ZNF831: variants seen among roughly 807,000 people sequenced by gnomAD.
ZNF831 encodes zinc finger protein 831, also known as chromosome 20 open reading frame 174.
Under a neutral mutation model 95.8 loss-of-function variants are expected in ZNF831, and 59 were observed. The observed-to-expected ratio is 0.62, with a 90% confidence interval of 0.50 to 0.77. ZNF831 has a LOEUF of 0.77. Among genes scored for constraint, ZNF831 ranks in the 30% least tolerant of loss-of-function variants. The pLI, the probability that ZNF831 is intolerant of heterozygous loss-of-function variation, is 0.00. For synonymous variants in ZNF831, 961 were observed against 925.5 expected, an observed-to-expected ratio of 1.04 and a Z score of -0.70; for missense variants, 2,205 against 2,164.0, an observed-to-expected ratio of 1.02 and a Z score of -0.38.
At chr20:59,198,038 T>A (rs757748997) in intron 3 of ZNF831, among the ~76,000 whole-genome samples, 5 of 152,144 alleles carry the variant, frequency 3.3e-5, no homozygotes, top group Non-Finnish European at 5.9e-5. Context: ...CAGCTCCCAC[T>A]TTCCCAAGAC....
In ZNF831 at chr20:59,168,452, GA is replaced by G. The variant is rs796779777; in HGVS notation, c.-37+4246del. On this transcript the variant is annotated intron_variant, in intron 1 of 5. Coordinates refer to ENST00000371030, the MANE Select transcript of ZNF831 (RefSeq NM_178457.3). Reference sequence around the variant, plus strand: ...TGCTGCACTCACTTATTAGTGCGAGGAGGTTTTTTTTTTTTTTTTTTTGTAG... The same window carrying G: ...TGCTGCACTCACTTATTAGTGCGAGGGGTTTTTTTTTTTTTTTTTTTGTAG... Among the ~76,000 whole-genome samples the G allele has an allele frequency of 8.2e-3, 1,098 of 134,200 alleles. 14 individuals carry two copies. The highest frequency in any genetic ancestry group is 0.03 in the African/African-American group (1,029 of 34,476). The allele number at this position is 134,200 out of a possible 152,430, so 88.0% of individuals were successfully genotyped here. A position where few individuals can be genotyped will look rare whatever the true frequency, so the allele number is the denominator to read the frequency against.
intron 1 of ZNF831, among the ~76,000 whole-genome samples, chr20:59,164,912 G>A (rs189723271): frequency 6.6e-6 from 1 of 152,182 alleles, no homozygotes; most frequent in Non-Finnish European, 1.5e-5. Context: ...AAAATGCAAC[G>A]AGGGACAGGA....
intron 4 of ZNF831, among the ~76,000 whole-genome samples, chr20:59,245,732 T>A (rs1434625947): frequency 6.6e-6 from 1 of 152,250 alleles, no homozygotes; most frequent in Non-Finnish European, 1.5e-5. Context: ...TGGGCAGTTT[T>A]CATTATTTCA....
chr20:59,130,239 C>T (rs1979307198), intron 1 of ZNF831, among the ~76,000 whole-genome samples: 1 of 152,208 alleles, frequency 6.6e-6, no homozygotes, highest in South Asian at 2.1e-4. Flanking sequence ...GGGTGGGTGT[C>T]GTGAGAGGCA....
chr20:59,240,033 T>C (rs1274623202), intron 4 of ZNF831, among the ~76,000 whole-genome samples: 1 of 151,382 alleles, frequency 6.6e-6, no homozygotes, highest in African/African-American at 2.4e-5. Flanking sequence ...TTCAGGGAAG[T>C]GGAAGCGTGG....
intron 1 of ZNF831, among the ~76,000 whole-genome samples, chr20:59,124,178 C>G (rs192534788): frequency 6.6e-6 from 1 of 152,252 alleles, no homozygotes; most frequent in South Asian, 2.1e-4. Flanking sequence ...TCTTTTCCCT[C>G]GGTTCTGAAC....
chr20:59,206,168 A>G (rs1391456757), intron 3 of ZNF831, among the ~76,000 whole-genome samples: 1 of 152,238 alleles, frequency 6.6e-6, no homozygotes, highest in Non-Finnish European at 1.5e-5. Flanking sequence ...TCTATGAAGA[A>G]TGTTGTCCAA....
rs138201842 is a variant in ZNF831, at chr20:59,194,911, G to C, written c.3738+154G>C. 3.5e-3 allele frequency among the ~76,000 whole-genome samples: 540 copies of C among 152,324 alleles called. 5 individuals carry two copies. Among genetic ancestry groups the C allele is most frequent in the African/African-American group, 0.013 (520 of 41,572 alleles). ...TGAGGGAGGCTGGGGATACCACATAGACAGCAGGAAGGAATAAAGGCCCAA... is the reference window on the plus strand; with the variant it reads ...TGAGGGAGGCTGGGGATACCACATACACAGCAGGAAGGAATAAAGGCCCAA... On this transcript the variant is annotated intron_variant, in intron 2 of 5. Coordinates refer to ENST00000371030, the MANE Select transcript of ZNF831 (RefSeq NM_178457.3).
intron 1 of ZNF831, among the ~76,000 whole-genome samples, chr20:59,133,949 G>A (rs956671415): frequency 3.3e-4 from 51 of 152,334 alleles, no homozygotes; most frequent in Middle Eastern, 3.4e-3. Context: ...ACGATGATAA[G>A]CACATGCCTT....
rs1985026235 is a variant in ZNF831 at position 59,208,050 on chromosome 20, G to A, written c.4027+994G>A. On this transcript the variant is annotated intron_variant, in intron 4 of 5. Coordinates refer to ENST00000371030, the MANE Select transcript of ZNF831 (RefSeq NM_178457.3). This position sits in a 1 kb window ranked among gnomAD's most constrained non-coding sequence, Gnocchi z 4.2. ...ATGGAGTAGTCTTGTTTCCCAGAGA[G>A]AATTTAAATCCAGGCAAGAATTCAT... 6.6e-6 allele frequency among the ~76,000 whole-genome samples: 1 copy of A among 152,252 alleles called. No homozygotes were observed. The highest frequency in any genetic ancestry group is 2.4e-5 in the African/African-American group (1 of 41,472).
chr20:59,160,712 G>A (rs1487206482), upstream of ZNF831: 1 of 152,230 alleles, frequency 6.6e-6, no homozygotes, highest in African/African-American at 2.4e-5. Flanking sequence ...CAAGACCAGA[G>A]GGGCATGGCC....
chr20:59,193,321 C>T lies in ZNF831; in HGVS notation c.2302C>T (p.Leu768Phe), dbSNP rs1221418488. ...GWQMPPAPGPLKGGDVEAPRP... is the reference protein window; with the variant it reads ...GWQMPPAPGPFKGGDVEAPRP... ...GCAGATGCCCCCAGCACCTGGCCCC[C>T]TCAAAGGGGGTGATGTAGAGGCTCC... The change falls in exon 2 of 6, where the codon CTC becomes TTC. Residue 768 changes from leucine to phenylalanine, a missense_variant. Coordinates refer to ENST00000371030, the MANE Select transcript of ZNF831 (RefSeq NM_178457.3). 2 of 1,612,864 alleles carry T rather than the reference C, an allele frequency of 1.2e-6. No homozygotes were observed. The highest frequency in any genetic ancestry group is 1.1e-5 in the South Asian group (1 of 90,832).
intron 2 of ZNF831, among the ~76,000 whole-genome samples, chr20:59,148,147 A>G (rs73306856): frequency 0.018 from 2,692 of 152,346 alleles, 92 homozygotes; most frequent in African/African-American, 0.062. Flanking sequence ...CCGTTGGTCA[A>G]GGCCAATGCA....
At chr20:59,212,438 T>C (rs1985406401) in intron 4 of ZNF831, among the ~76,000 whole-genome samples, 1 of 152,166 alleles carries the variant, frequency 6.6e-6, no homozygotes, top group African/African-American at 2.4e-5. Flanking sequence ...TCCATCCAAG[T>C]TTCCAGCTAG....
At chr20:59,164,760 T>C (rs541881546) in intron 1 of ZNF831, among the ~76,000 whole-genome samples, 57 of 152,314 alleles carry the variant, frequency 3.7e-4, no homozygotes, top group African/African-American at 1.4e-3. Flanking sequence ...TATACACATA[T>C]CTGACTTCCC....
At chr20:59,123,924 C>T (rs1979082139) in intron 1 of ZNF831, among the ~76,000 whole-genome samples, 1 of 152,206 alleles carries the variant, frequency 6.6e-6, no homozygotes, top group South Asian at 2.1e-4. Flanking sequence ...TATTTGAAGT[C>T]AGTGACAGTT....
chr20:59,149,617 C>T (rs780458769), intron 2 of ZNF831, among the ~76,000 whole-genome samples: 10 of 152,242 alleles, frequency 6.6e-5, no homozygotes, highest in South Asian at 4.1e-4. Flanking sequence ...CCTGAGTGAG[C>T]GCCAAAAGCC....
chr20:59,191,516 A>C lies in ZNF831; in HGVS notation c.497A>C (p.His166Pro). The C allele has an allele frequency of 6.2e-7, 1 of 1,613,166 alleles. No individual in the cohort carries two copies. The highest frequency in any genetic ancestry group is 8.5e-7 in the Non-Finnish European group (1 of 1,180,014). The change falls in exon 2 of 6, where the codon CAC becomes CCC. Residue 166 changes from histidine to proline, a missense_variant. By Grantham distance (77) the His-to-Pro change is moderately conservative. Coordinates refer to ENST00000371030, the MANE Select transcript of ZNF831 (RefSeq NM_178457.3). ...PSVLEKHIRS[H>P]TGERPFPCAT... ...GTTCTAGAGAAGCACATCCGGTCCC[A>C]CACGGGTGAGAGGCCCTTCCCGTGT...
upstream of ZNF831, among the ~76,000 whole-genome samples, chr20:59,162,257 A>G (rs536958437): frequency 1.3e-5 from 2 of 152,316 alleles, no homozygotes; most frequent in Admixed American, 1.3e-4. Context: ...CTTTGGTTTA[A>G]TTAGGTACCA....
Sources: allele counts gnomAD v4.1 joint callset (sites outside exome capture counted in the v4.1 genomes callset), GRCh38; gene constraint gnomAD v4.1.1; non-coding constraint Gnocchi (gnomAD v3.1); transcripts MANE v1.5; gene names NCBI Gene and HGNC (gene_info 2026-07-23, HGNC 2026-07-21).